The following CCDC102B variants were observed in gnomAD, a reference collection of about 807,000 sequenced individuals.
The protein encoded by CCDC102B is coiled-coil domain containing 102B.
In CCDC102B, 75 loss-of-function variants were observed where a neutral mutation model predicts 57.4. That is an observed-to-expected ratio of 1.31 (90% CI 1.08 to 1.58). The LOEUF is 1.58. CCDC102B is among the 40% of genes most tolerant of loss of function. The pLI is 0.00. For missense variants in CCDC102B, 636 were observed against 582.6 expected (o/e 1.09, Z -0.94); for synonymous variants, 206 against 201.9 (o/e 1.02, Z -0.17).
rs375131991 is a variant in CCDC102B, at chr18:68,919,975, A to G, written c.1263+22547A>G. Among the ~76,000 whole-genome samples, 217 of 152,166 alleles carry G rather than the reference A, an allele frequency of 1.4e-3. 1 individual carries two copies. The highest frequency in any genetic ancestry group is 6.8e-3 in the Middle Eastern group (2 of 294). On this transcript the variant is annotated intron_variant, in intron 6 of 7. Coordinates refer to ENST00000360242, the MANE Select transcript of CCDC102B (RefSeq NM_024781.3). ...AAGGAAAAGTATTCTTATTATTTTT[A>G]TTACTTTTATTTTAAGTTCAAGGGT...
chr18:69,052,265 A>T (rs1443399414), intron 7 of CCDC102B, among the ~76,000 whole-genome samples: 2 of 152,174 alleles, frequency 1.3e-5, no homozygotes, highest in East Asian at 3.9e-4. Context: ...ATTATTGATC[A>T]GGGATTGACA....
At chr18:68,929,788 A>T (rs1403291146) in intron 6 of CCDC102B, among the ~76,000 whole-genome samples, 1 of 151,880 alleles carries the variant, frequency 6.6e-6, no homozygotes, top group East Asian at 1.9e-4. Context: ...GTTTGGCTAT[A>T]AGAAGTAAAC....
At chr18:68,963,244 A>G (rs929106774) in intron 6 of CCDC102B, among the ~76,000 whole-genome samples, 1 of 151,986 alleles carries the variant, frequency 6.6e-6, no homozygotes, top group African/African-American at 2.4e-5. Flanking sequence ...TCAAACAGAA[A>G]TGGTTTTATG....
At chr18:68,941,184 A>G (rs2049371648) in intron 6 of CCDC102B, among the ~76,000 whole-genome samples, 1 of 151,564 alleles carries the variant, frequency 6.6e-6, no homozygotes, top group African/African-American at 2.4e-5. Flanking sequence ...TTAGGAAAGT[A>G]TGTGACTTTT....
chr18:68,874,828 C>G, intron 5 of CCDC102B, 43 bp downstream of exon 5: 2 of 1,225,452 alleles, frequency 1.6e-6, no homozygotes, highest in East Asian at 4.7e-5. Flanking sequence ...TAAAACATAA[C>G]TGACTGTTGT....
At chr18:68,947,198 A>T (rs1420648246) in intron 6 of CCDC102B, among the ~76,000 whole-genome samples, 1 of 151,800 alleles carries the variant, frequency 6.6e-6, no homozygotes, top group East Asian at 1.9e-4. Context: ...CAAGAGATAG[A>T]GGGGCATCAG....
intron 1 of CCDC102B, among the ~76,000 whole-genome samples, chr18:68,801,451 T>C (rs2035849012): frequency 6.6e-6 from 1 of 152,174 alleles, no homozygotes; most frequent in Non-Finnish European, 1.5e-5. Flanking sequence ...TTATATTTAA[T>C]GATATTTCCT....
intron 7 of CCDC102B, among the ~76,000 whole-genome samples, chr18:69,039,175 T>C (rs1006831916): frequency 2.0e-5 from 3 of 151,970 alleles, no homozygotes; most frequent in African/African-American, 7.2e-5. Flanking sequence ...ATCTAGAGTA[T>C]TCCATTGGAG....
At chr18:68,798,206 G>GT (rs1482037955) in intron 1 of CCDC102B, 25 bp downstream of exon 1, 1 of 152,078 alleles carries the variant, frequency 6.6e-6, no homozygotes, top group African/African-American at 2.4e-5. Context: ...TAACCTTGTG[G>GT]TTTTCTATTT....
At chr18:68,759,857 C>A (rs1461349875) in intron 2 of CCDC102B, among the ~76,000 whole-genome samples, 6 of 152,054 alleles carry the variant, frequency 3.9e-5, no homozygotes, top group Non-Finnish European at 7.4e-5. Context: ...GAGAGTTCTG[C>A]AGGAACATTC....
intron 6 of CCDC102B, among the ~76,000 whole-genome samples, chr18:68,975,174 G>A (rs1174642181): frequency 2.6e-5 from 4 of 151,914 alleles, no homozygotes; most frequent in African/African-American, 9.7e-5. Context: ...TGCCAGCTCT[G>A]TCTATACTTA....
chr18:68,890,106 T>C (rs1222231700), intron 5 of CCDC102B, among the ~76,000 whole-genome samples: 1 of 152,188 alleles, frequency 6.6e-6, no homozygotes, highest in East Asian at 1.9e-4. Context: ...CCAGTCACAT[T>C]TATATTGCTA....
intron 1 of CCDC102B, among the ~76,000 whole-genome samples, chr18:68,834,629 A>T (rs1229045707): frequency 6.6e-6 from 1 of 151,494 alleles, no homozygotes; most frequent in Non-Finnish European, 1.5e-5. Context: ...TAACAAAACT[A>T]ATTACAACCA....
At chr18:68,891,241 T>C (rs1599642978) in intron 5 of CCDC102B, among the ~76,000 whole-genome samples, 1 of 152,238 alleles carries the variant, frequency 6.6e-6, no homozygotes, top group Non-Finnish European at 1.5e-5. Context: ...TCTGAACATC[T>C]ATCCCACTGG....
chr18:68,815,130 C>G (rs751593744), intron 1 of CCDC102B, among the ~76,000 whole-genome samples: 4 of 151,972 alleles, frequency 2.6e-5, no homozygotes, highest in African/African-American at 7.2e-5. Flanking sequence ...TTTGCTTGTT[C>G]TGAGGTTTTA....
chr18:68,944,535 C>T (rs7240393), intron 6 of CCDC102B, among the ~76,000 whole-genome samples: 137,477 of 151,812 alleles, frequency 0.91, 62,304 homozygotes, highest in East Asian at 0.99. Context: ...AAGGCAGCTC[C>T]CTGGGCCCTC....
chr18:68,977,850 G>A (rs1343508593), intron 6 of CCDC102B, among the ~76,000 whole-genome samples: 2 of 151,972 alleles, frequency 1.3e-5, no homozygotes, highest in South Asian at 2.1e-4. Context: ...AAAACCGACT[G>A]TCTTGTAGTC....
At chr18:68,745,955 G>A (rs2145232788) in intron 2 of CCDC102B, among the ~76,000 whole-genome samples, 1 of 152,072 alleles carries the variant, frequency 6.6e-6, no homozygotes, top group East Asian at 1.9e-4. Flanking sequence ...GGGGATGGGG[G>A]GTACCATTTA....
At chr18:68,814,962 A>G (rs1005961162) in intron 1 of CCDC102B, among the ~76,000 whole-genome samples, 1 of 152,076 alleles carries the variant, frequency 6.6e-6, no homozygotes, top group Non-Finnish European at 1.5e-5. Flanking sequence ...ATCCACTAGT[A>G]TTTGCCAGTA....
Sources: allele counts gnomAD v4.1 joint callset (sites outside exome capture counted in the v4.1 genomes callset), GRCh38; gene constraint gnomAD v4.1.1; transcripts MANE v1.5; gene names NCBI Gene and HGNC (gene_info 2026-07-23, HGNC 2026-07-21).